Variants in RAB3GAP1 observed in about 807,000 individuals in gnomAD.
RAB3GAP1 encodes the protein RAB3 GTPase activating protein catalytic subunit 1.
In RAB3GAP1, 86 loss-of-function variants were observed where a neutral mutation model predicts 130.7. That is an observed-to-expected ratio of 0.66 (90% CI 0.55 to 0.79). RAB3GAP1 has a LOEUF of 0.79. Among genes scored for constraint, RAB3GAP1 ranks in the 30% least tolerant of loss-of-function variants. The pLI, the probability that RAB3GAP1 is intolerant of heterozygous loss-of-function variation, is 0.00. For missense variants in RAB3GAP1, 1,029 were observed against 1,169.4 expected (o/e 0.88, Z 1.75); for synonymous variants, 367 against 401.7 (o/e 0.91, Z 1.03).
In RAB3GAP1 at chr2:135,052,330, T is replaced by G; in HGVS notation, c.18+5T>G. 6.2e-7 allele frequency: 1 copy of G among 1,614,058 alleles called. No individual in the cohort carries two copies. The highest frequency in any genetic ancestry group is 1.1e-5 in the South Asian group (1 of 91,082). On this transcript the variant is annotated splice_donor_5th_base_variant and intron_variant, in intron 1 of 23. Transcript: ENST00000264158. ...AAGATGGCTGCCGACAGTGAGGTGA[T>G]TTCTTTGCTCCCTACTTAATCCTTG...
chr2:135,095,854 G>T (rs1303031423), intron 5 of RAB3GAP1, among the ~76,000 whole-genome samples: 2 of 152,084 alleles, frequency 1.3e-5, no homozygotes, highest in Non-Finnish European at 2.9e-5. Context: ...TTATCGGATT[G>T]ACAAATCACA....
At chr2:135,104,890 A>G (rs1690549251) in intron 5 of RAB3GAP1, among the ~76,000 whole-genome samples, 1 of 149,736 alleles carries the variant, frequency 6.7e-6, no homozygotes, top group East Asian at 1.9e-4. Context: ...CTCCATCTCA[A>G]AACAAACAAA....
chr2:135,131,306 A>G (rs1691532448), intron 13 of RAB3GAP1, among the ~76,000 whole-genome samples: 1 of 151,906 alleles, frequency 6.6e-6, no homozygotes. Flanking sequence ...GCTCACTGCA[A>G]CCTCCACCTC....
Position 135,081,521 on chromosome 2 carries a change from T to C in RAB3GAP1, c.151-9477T>C, listed in dbSNP as rs529836723. ...TAAAAGTGTTCTTCCACACTTTTGC[T>C]GTCTTTTGGGATTATTGTTTGTGGT... On this transcript the variant is annotated intron_variant, in intron 3 of 23. Transcript: ENST00000264158. 3.9e-3 allele frequency among the ~76,000 whole-genome samples: 593 copies of C among 151,312 alleles called. 7 individuals carry two copies. The highest frequency in any genetic ancestry group is 0.025 in the South Asian group (121 of 4,782).
intron 3 of RAB3GAP1, among the ~76,000 whole-genome samples, chr2:135,081,333 T>TAA: frequency 1.3e-5 from 1 of 76,136 alleles, no homozygotes; most frequent in South Asian, 8.0e-4. Context: ...AAAAAATATA[T>TAA]ATATATATAT....
intron 23 of RAB3GAP1, among the ~76,000 whole-genome samples, chr2:135,165,399 C>T (rs1048498883): frequency 6.6e-6 from 1 of 152,180 alleles, no homozygotes; most frequent in Admixed American, 6.5e-5. Flanking sequence ...TTACACGCTT[C>T]CCCTTATATG....
chr2:135,150,324 TCTAAAAAGGGCTGTTTATGAGCCTTG>T lies in RAB3GAP1; in HGVS notation c.1924-44_1924-19del. The T allele has an allele frequency of 6.2e-7, 1 of 1,611,576 alleles. No homozygotes were observed. The highest frequency in any genetic ancestry group is 2.2e-5 in the East Asian group (1 of 44,872). On this transcript the variant is annotated intron_variant, in intron 17 of 23. Coordinates refer to ENST00000264158, the MANE Select transcript of RAB3GAP1 (RefSeq NM_012233.3). ...ATTCTATTTTTATGGTACTTCTTTT[TCTAAAAAGGGCTGTTTATGAGCCTTG>T]TCCTTTTGTGCTTCACAGGAACCAG...
chr2:135,117,584 TTCTTCTTCTG>T (rs1691036229), intron 7 of RAB3GAP1, among the ~76,000 whole-genome samples: 10 of 151,230 alleles, frequency 6.6e-5, no homozygotes, highest in Admixed American at 2.0e-4. Context: ...CTTCTTCTGC[TTCTTCTTCTG>T]CTGCTTCTTC....
rs546913866 is a variant in RAB3GAP1, at chr2:135,160,393, C to T, written c.2290-2162C>T. 2.1e-3 allele frequency among the ~76,000 whole-genome samples: 317 copies of T among 152,080 alleles called. 4 individuals carry two copies. The highest frequency in any genetic ancestry group is 7.4e-3 in the African/African-American group (306 of 41,484). ...GGTCATAAAAGACACATTTTGCGGC[C>T]GGGCGCGGTGGCTCATGCCTGTAAT... On this transcript the variant is annotated intron_variant, in intron 19 of 23. Transcript: ENST00000264158.
At position 135,118,855 on chromosome 2, in the gene RAB3GAP1, G is replaced by A. The variant is rs888897636; in HGVS notation, c.649-1964G>A. On this transcript the variant is annotated intron_variant, in intron 7 of 23. Coordinates refer to ENST00000264158, the MANE Select transcript of RAB3GAP1 (RefSeq NM_012233.3). ...AATAACCTCCAGTCCCATACCTTCCGATAAAGCCATTGTGCCAAGCAGGAG... is the reference window on the plus strand; with the variant it reads ...AATAACCTCCAGTCCCATACCTTCCAATAAAGCCATTGTGCCAAGCAGGAG... Among the ~76,000 whole-genome samples, 5 of 151,736 alleles carry A rather than the reference G, an allele frequency of 3.3e-5. No homozygotes were observed. In the East Asian group the frequency reaches 5.8e-4, roughly 18 times the overall value.
chr2:135,133,192 T>C (rs915355109), intron 14 of RAB3GAP1, among the ~76,000 whole-genome samples: 1 of 152,086 alleles, frequency 6.6e-6, no homozygotes, highest in Non-Finnish European at 1.5e-5. Context: ...AATGAAAAAA[T>C]AGCACAAATA....
In RAB3GAP1 at chr2:135,153,885, G is replaced by C; in HGVS notation, c.2289+9G>C. ...CACGGGAAGCAGAAAAGGTAATTGA[G>C]GTTTGAGTCTCTAATACTAGAATGC... On this transcript the variant is annotated intron_variant, in intron 19 of 23. Coordinates refer to ENST00000264158, the MANE Select transcript of RAB3GAP1 (RefSeq NM_012233.3). 6.2e-7 allele frequency: 1 copy of C among 1,608,670 alleles called. No individual in the cohort carries two copies. The highest frequency in any genetic ancestry group is 1.1e-5 in the South Asian group (1 of 90,892).
chr2:135,085,239 T>C (rs1230521582), intron 3 of RAB3GAP1, among the ~76,000 whole-genome samples: 1 of 152,232 alleles, frequency 6.6e-6, no homozygotes, highest in Non-Finnish European at 1.5e-5. Context: ...CATTTTTATA[T>C]CCTTTTAATG....
At position 135,079,031 on chromosome 2, in the gene RAB3GAP1, C is replaced by A. The variant is rs796946695; in HGVS notation, c.151-11967C>A. ...TACAGGCACACGCCACCATGCCCGG[C>A]TAATTTTTTCTTTATTTTTAGTAGA... On this transcript the variant is annotated intron_variant, in intron 3 of 23. Coordinates refer to ENST00000264158, the MANE Select transcript of RAB3GAP1 (RefSeq NM_012233.3). 1.4e-4 allele frequency among the ~76,000 whole-genome samples: 22 copies of A among 152,230 alleles called. 1 individual carries two copies. The highest frequency in any genetic ancestry group is 4.8e-4 in the African/African-American group (20 of 41,534).
At chr2:135,081,339 T>TATAA (rs1356317198) in intron 3 of RAB3GAP1, among the ~76,000 whole-genome samples, 1 of 83,938 alleles carries the variant, frequency 1.2e-5, no homozygotes, top group Non-Finnish European at 2.0e-5. Flanking sequence ...TATATATATA[T>TATAA]ATATATATAT....
intron 17 of RAB3GAP1, among the ~76,000 whole-genome samples, chr2:135,143,953 T>G (rs180880035): frequency 3.3e-5 from 5 of 152,324 alleles, no homozygotes; most frequent in Admixed American, 2.0e-4. Context: ...GTTCATACAT[T>G]TTATCTTTTT....
chr2:135,163,228 CTAGAGACAGAAAT>C (rs1384942322), intron 22 of RAB3GAP1, 127 bp downstream of exon 22: 1 of 739,788 alleles, frequency 1.4e-6, no homozygotes, highest in Non-Finnish European at 2.4e-6. Context: ...CAAGCATTGT[CTAGAGACAGAAAT>C]AATTATCATA....
intron 23 of RAB3GAP1, chr2:135,167,682 C>A: frequency 6.7e-7 from 1 of 1,490,124 alleles, no homozygotes; most frequent in Non-Finnish European, 9.1e-7. Context: ...CTTTTCTTAC[C>A]CCTTCTCAAG....
At chr2:135,079,477 A>G (rs1689723938) in intron 3 of RAB3GAP1, among the ~76,000 whole-genome samples, 1 of 152,190 alleles carries the variant, frequency 6.6e-6, no homozygotes, top group South Asian at 2.1e-4. Flanking sequence ...AGTCTGAACT[A>G]GGACTGATAT....
Sources: allele counts gnomAD v4.1 joint callset (sites outside exome capture counted in the v4.1 genomes callset), GRCh38; gene constraint gnomAD v4.1.1; transcripts MANE v1.5; gene names NCBI Gene and HGNC (gene_info 2026-07-23, HGNC 2026-07-21).